The following LETMD1 variants were observed in gnomAD, a reference collection of about 807,000 sequenced individuals.
The protein encoded by LETMD1 is LETM1 domain containing 1, also known as LETM1 domain-containing protein 1.
A neutral mutation model predicts 43.9 loss-of-function variants in LETMD1; 30 were observed. That is an observed-to-expected ratio of 0.68 (90% CI 0.51 to 0.93). The LOEUF (loss-of-function observed/expected upper bound fraction) is 0.93, where lower values mean the gene tolerates loss of function less well. Ranked by LOEUF, LETMD1 falls within the 40% of genes least tolerant of loss-of-function variation. The pLI, the probability that LETMD1 is intolerant of heterozygous loss-of-function variation, is 0.00. For synonymous variants in LETMD1, 176 were observed against 163.1 expected (o/e 1.08, Z -0.60); for missense variants, 413 against 447.7 (o/e 0.92, Z 0.70).
chr12:51,064,711 A>G, downstream of LETMD1: 4 of 1,468,002 alleles, frequency 2.7e-6, no homozygotes, highest in Admixed American at 2.3e-5. Flanking sequence ...GAGACCTACA[A>G]TCCTAACAAT....
chr12:51,067,909 A>G, the LETMD1 span: 1 of 1,613,988 alleles, frequency 6.2e-7, no homozygotes, highest in African/African-American at 1.3e-5. The surrounding 1 kb of genome is among the most constrained non-coding windows in gnomAD (Gnocchi z 4.1). Flanking sequence ...TCTTCATCTG[A>G]CACATCATCC....
intron 4 of LETMD1, among the ~76,000 whole-genome samples, chr12:51,054,504 C>T (rs1000649031): frequency 3.3e-5 from 5 of 152,176 alleles, no homozygotes; most frequent in South Asian, 2.1e-4. Flanking sequence ...GATGGCTACA[C>T]GGCTAGAACT....
At chr12:51,065,569 C>T in the LETMD1 span, among the ~76,000 whole-genome samples, 6 of 151,966 alleles carry the variant, frequency 3.9e-5, no homozygotes, top group Non-Finnish European at 4.4e-5. Context: ...CATCATGGCT[C>T]ACTGCAGCCT....
the LETMD1 span, among the ~76,000 whole-genome samples, chr12:51,068,838 A>C: frequency 6.6e-6 from 1 of 152,226 alleles, no homozygotes; most frequent in Admixed American, 6.5e-5. Flanking sequence ...TTAATCAATG[A>C]ACCCAAATCC....
Position 51,055,854 on chromosome 12 carries a change from C to T in LETMD1, c.493C>T (p.Leu165=), listed in dbSNP as rs1204534256. 1 of 1,610,672 alleles carries T rather than the reference C, an allele frequency of 6.2e-7. No homozygotes were observed. The highest frequency in any genetic ancestry group is 1.3e-5 in the African/African-American group (1 of 74,758). Residue 165 remains leucine, a synonymous_variant, in exon 5 of 9, where the codon CTA becomes TTA. Coordinates refer to ENST00000262055, the MANE Select transcript of LETMD1 (RefSeq NM_015416.5). ...TTTCAGGTACCTGTTTCCCAGGCAA[C>T]TACTGATCAGGCATTTCTGGACCCC... The part of the protein sequence containing the change: ...FLLMYLFPRQ[L]LIRHFWTPKQ...
At chr12:51,063,810 G>T, downstream of LETMD1, 1 of 1,609,744 alleles carries the variant, frequency 6.2e-7, no homozygotes, top group Non-Finnish European at 8.5e-7. Context: ...CTGCTGGGAG[G>T]TCTTCACCAT....
intron 2 of LETMD1, among the ~76,000 whole-genome samples, chr12:51,051,580 G>T (rs1231980475): frequency 6.6e-6 from 1 of 151,756 alleles, no homozygotes; most frequent in Non-Finnish European, 1.5e-5. Context: ...GGTGGCACAC[G>T]CCTGTAATCC....
chr12:51,059,514 G>T lies in LETMD1; in HGVS notation c.*83G>T, dbSNP rs1417328198. The T allele has an allele frequency of 1.6e-6, 2 of 1,216,382 alleles. No homozygotes were observed. Among genetic ancestry groups the T allele is most frequent in the South Asian group, 2.4e-5 (2 of 81,964 alleles). The allele number at this position is 1,216,382 out of a possible 1,614,324, so 75.3% of individuals were successfully genotyped here. Reference sequence around the variant, plus strand: ...CAAACAGCACTTGCCAGCAAAGTCTGTGTGTACTGTTAAGTGTGTGGGAGG... The same window carrying T: ...CAAACAGCACTTGCCAGCAAAGTCTTTGTGTACTGTTAAGTGTGTGGGAGG... On this transcript the variant is annotated 3_prime_UTR_variant, in exon 9 of 9. Coordinates refer to ENST00000262055, the MANE Select transcript of LETMD1 (RefSeq NM_015416.5).
chr12:51,067,668 C>G, the LETMD1 span: 2 of 1,611,816 alleles, frequency 1.2e-6, no homozygotes, highest in Non-Finnish European at 1.7e-6. This position sits in a 1 kb window ranked among gnomAD's most constrained non-coding sequence, Gnocchi z 4.1. Flanking sequence ...CCAACTTGGA[C>G]TGACCTGGCA....
chr12:51,054,070 ACT>A (rs1299902260), intron 4 of LETMD1, among the ~76,000 whole-genome samples: 1 of 151,620 alleles, frequency 6.6e-6, no homozygotes, highest in African/African-American at 2.4e-5. Flanking sequence ...GGTGGCCTAG[ACT>A]CTCCCTATCT....
intron 8 of LETMD1, chr12:51,059,156 A>C (rs1364566943): frequency 1.8e-6 from 1 of 553,010 alleles, no homozygotes; most frequent in Non-Finnish European, 3.3e-6. Context: ...TGAGAAATAG[A>C]GGATGAGTTG....
In LETMD1 at chr12:51,060,274, A is replaced by C. The variant is rs1042960650; in HGVS notation, c.*843A>C. 1 of 152,630 alleles carries C rather than the reference A, an allele frequency of 6.6e-6. No individual in the cohort carries two copies. The highest frequency in any genetic ancestry group is 1.5e-5 in the Non-Finnish European group (1 of 68,056). 9.5% of individuals were successfully genotyped at this position (152,630 alleles called of 1,614,324 possible). On this transcript the variant is annotated 3_prime_UTR_variant, in exon 9 of 9. Transcript: ENST00000262055. ...GTACTAATTACTGCCCAGCCTGGGG[A>C]GATCAGGAGAGGTCTGCATAGTTAG...
At chr12:51,065,561 T>C in the LETMD1 span, among the ~76,000 whole-genome samples, 4 of 152,118 alleles carry the variant, frequency 2.6e-5, no homozygotes, top group East Asian at 3.9e-4. Context: ...AGTGGTGCCA[T>C]CATGGCTCAC....
chr12:51,063,691 G>C, downstream of LETMD1: 6 of 1,362,254 alleles, frequency 4.4e-6, no homozygotes, highest in South Asian at 1.6e-5. Flanking sequence ...AATGGTGTTA[G>C]ATAAAATAAG....
At chr12:51,068,923 A>C in the LETMD1 span, among the ~76,000 whole-genome samples, 1 of 152,380 alleles carries the variant, frequency 6.6e-6, no homozygotes, top group East Asian at 1.9e-4. Flanking sequence ...CAAATATATT[A>C]ACAGGTATTA....
chr12:51,066,077 CG>C, the LETMD1 span, among the ~76,000 whole-genome samples: 1 of 151,984 alleles, frequency 6.6e-6, no homozygotes, highest in African/African-American at 2.4e-5. Context: ...CCCAGTACTT[CG>C]GGAGGCTGAG....
chr12:51,048,583 C>A, intron 1 of LETMD1, 105 bp downstream of exon 1: 1 of 1,433,440 alleles, frequency 7.0e-7, no homozygotes. Flanking sequence ...CACGCCTTGG[C>A]CCTGGAATTT....
downstream of LETMD1, chr12:51,064,120 A>G: frequency 6.2e-7 from 1 of 1,614,166 alleles, no homozygotes; most frequent in Non-Finnish European, 8.5e-7. Context: ...TCCACTTGAT[A>G]ATAGACCAGG....
rs773937650 is a variant in LETMD1 at position 51,049,091 on chromosome 12, G to T, written c.180G>T (p.Val60=). 1 of 1,613,560 alleles carries T rather than the reference G, an allele frequency of 6.2e-7. No homozygotes were observed. Among genetic ancestry groups the T allele is most frequent in the East Asian group, 2.2e-5 (1 of 44,876 alleles). Residue 60 remains valine (V), a synonymous_variant, in exon 2 of 9, where the codon GTG becomes GTT. Transcript: ENST00000262055. The part of the protein sequence containing the change: ...KADVKNLMSY[V]VTKTKAINGK... ...ATGTGAAGAACTTGATGTCTTATGT[G>T]GTAACCAAGACAAAAGCGATTAATG...
Sources: allele counts gnomAD v4.1 joint callset (sites outside exome capture counted in the v4.1 genomes callset), GRCh38; gene constraint gnomAD v4.1.1; non-coding constraint Gnocchi (gnomAD v3.1); transcripts MANE v1.5; gene names NCBI Gene and HGNC (gene_info 2026-07-23, HGNC 2026-07-21).